The following KCNH5 variants were observed in gnomAD, a reference collection of about 807,000 sequenced individuals.
KCNH5 encodes the protein voltage-gated delayed rectifier potassium channel KCNH5.
In KCNH5, 46 loss-of-function variants were observed where a neutral mutation model predicts 96.1. The observed-to-expected ratio is 0.48, with a 90% confidence interval of 0.38 to 0.61. The LOEUF (loss-of-function observed/expected upper bound fraction) is 0.61, where lower values mean the gene tolerates loss of function less well. KCNH5 is among the 20% of genes least tolerant of loss of function. The probability of loss-of-function intolerance (pLI) is 0.00; values close to 1 mark genes in which losing one functional copy is unlikely to be tolerated. For synonymous variants in KCNH5, 439 were observed against 449.8 expected (o/e 0.98, Z 0.30); for missense variants, 907 against 1,225.8 (o/e 0.74, Z 3.88).
chr14:62,933,874 T>C (rs1164117626), intron 7 of KCNH5, among the ~76,000 whole-genome samples: 1 of 152,184 alleles, frequency 6.6e-6, no homozygotes, highest in Non-Finnish European at 1.5e-5. Context: ...GGAAAATATT[T>C]GAGATTTCCT....
At chr14:63,008,993 CAAGAT>C (rs1891177253) in intron 2 of KCNH5, among the ~76,000 whole-genome samples, 1 of 151,592 alleles carries the variant, frequency 6.6e-6, no homozygotes, top group African/African-American at 2.4e-5. Context: ...TTTTAAAATT[CAAGAT>C]AAGGGCAATT....
chr14:62,942,252 A>C (rs894780819), intron 7 of KCNH5, among the ~76,000 whole-genome samples: 7 of 152,160 alleles, frequency 4.6e-5, no homozygotes, highest in Non-Finnish European at 1.0e-4. Context: ...TTAGTCCTGA[A>C]AGGGACCTTA....
intron 7 of KCNH5, among the ~76,000 whole-genome samples, chr14:62,912,555 C>CCTATAATCCA (rs1889190327): frequency 6.6e-6 from 1 of 151,818 alleles, no homozygotes; most frequent in African/African-American, 2.4e-5. Context: ...TATAGGTGCC[C>CCTATAATCCA]GCCACCACAC....
chr14:62,752,814 A>G (rs1158703268), intron 10 of KCNH5, among the ~76,000 whole-genome samples: 1 of 152,170 alleles, frequency 6.6e-6, no homozygotes, highest in Admixed American at 6.5e-5. Flanking sequence ...CTCTCCTGCC[A>G]CCTTGTGAAG....
intron 3 of KCNH5, among the ~76,000 whole-genome samples, chr14:63,003,630 T>TATATTTATA: frequency 8.4e-6 from 1 of 119,272 alleles, no homozygotes; most frequent in African/African-American, 3.4e-5. Context: ...ATATATTTTT[T>TATATTTATA]TTTTTTTGAG....
At chr14:62,806,569 C>T (rs141368714) in intron 8 of KCNH5, among the ~76,000 whole-genome samples, 95 of 152,124 alleles carry the variant, frequency 6.2e-4, no homozygotes, top group African/African-American at 2.1e-3. Flanking sequence ...GGAAGCAGAC[C>T]GCAGCACTGA....
intron 8 of KCNH5, among the ~76,000 whole-genome samples, chr14:62,816,265 T>C (rs1338133205): frequency 6.6e-6 from 1 of 152,110 alleles, no homozygotes; most frequent in Admixed American, 6.5e-5. Context: ...ACATAGGTTA[T>C]AGATTTATAT....
At chr14:62,968,700 T>C (rs1890350344) in intron 6 of KCNH5, among the ~76,000 whole-genome samples, 2 of 152,226 alleles carry the variant, frequency 1.3e-5, no homozygotes, top group South Asian at 2.1e-4. Context: ...AAATGTGGTA[T>C]GCCTCATTCA....
At chr14:62,832,727 A>G (rs10134622) in intron 8 of KCNH5, among the ~76,000 whole-genome samples, 16,383 of 152,172 alleles carry the variant, frequency 0.11, 1,111 homozygotes, top group East Asian at 0.29. Flanking sequence ...CCCACCAACA[A>G]TATATAAGCA....
At chr14:62,716,441 T>C (rs1452244157) in intron 10 of KCNH5, among the ~76,000 whole-genome samples, 1 of 152,190 alleles carries the variant, frequency 6.6e-6, no homozygotes, top group Admixed American at 6.5e-5. Context: ...CAGCCCTACC[T>C]ACTTCTCTAA....
intron 9 of KCNH5, among the ~76,000 whole-genome samples, chr14:62,801,775 T>C (rs536263577): frequency 1.1e-4 from 16 of 152,254 alleles, no homozygotes; most frequent in Non-Finnish European, 2.4e-4. Context: ...ATCACTCTGC[T>C]ATAAAGAGTC....
chr14:62,970,036 A>G (rs1340422879), intron 6 of KCNH5, among the ~76,000 whole-genome samples: 1 of 123,974 alleles, frequency 8.1e-6, no homozygotes, highest in Admixed American at 8.6e-5. Context: ...ACAGAGTGAG[A>G]CTCCGTCTAA....
chr14:63,021,144 A>T (rs1891418750), intron 1 of KCNH5, among the ~76,000 whole-genome samples: 1 of 152,124 alleles, frequency 6.6e-6, no homozygotes, highest in Non-Finnish European at 1.5e-5. Flanking sequence ...GGCAGGCCAT[A>T]CAGCTACATG....
At chr14:63,022,933 C>T (rs76885777) in intron 1 of KCNH5, among the ~76,000 whole-genome samples, 7,240 of 152,104 alleles carry the variant, frequency 0.048, 197 homozygotes, top group East Asian at 0.062. Flanking sequence ...TGGCCAGGCA[C>T]GGTGACTCAC....
chr14:62,980,812 T>C (rs1362152628), intron 6 of KCNH5, 60 bp downstream of exon 6: 2 of 1,543,294 alleles, frequency 1.3e-6, no homozygotes, highest in Admixed American at 3.9e-5. Flanking sequence ...AATCCATTTA[T>C]CCTGATGTTT....
chr14:62,849,626 C>G, intron 8 of KCNH5, 27 bp downstream of exon 8: 3 of 1,586,956 alleles, frequency 1.9e-6, no homozygotes, highest in Non-Finnish European at 2.6e-6. Context: ...AAAATAGAAA[C>G]TAAATAATAA....
At chr14:62,732,134 C>G (rs1866004696) in intron 10 of KCNH5, among the ~76,000 whole-genome samples, 1 of 152,082 alleles carries the variant, frequency 6.6e-6, no homozygotes, top group Non-Finnish European at 1.5e-5. Context: ...CACACAGATC[C>G]CCACCTCTTA....
chr14:62,762,147 G>A (rs1484120942), intron 10 of KCNH5, among the ~76,000 whole-genome samples: 3 of 152,094 alleles, frequency 2.0e-5, no homozygotes, highest in Non-Finnish European at 2.9e-5. Flanking sequence ...AGAGAGTTTG[G>A]CTTGGGAAAG....
intron 7 of KCNH5, among the ~76,000 whole-genome samples, chr14:62,887,196 C>T (rs557807186): frequency 3.9e-5 from 6 of 152,292 alleles, no homozygotes; most frequent in African/African-American, 1.4e-4. Context: ...CTAGCCTAGA[C>T]TTCAAGTAGA....
Sources: gnomAD v4.1 joint callset for allele counts (sites outside exome capture counted in the v4.1 genomes callset) on GRCh38, gnomAD v4.1.1 for gene constraint, MANE v1.5 for transcripts, NCBI Gene and HGNC (gene_info 2026-07-23, HGNC 2026-07-21) for gene names.